CPLANE1: variants seen among roughly 807,000 people sequenced by gnomAD.
CPLANE1 encodes the protein ciliogenesis and planar polarity effector complex subunit 1.
A neutral mutation model predicts 362.5 loss-of-function variants in CPLANE1; 263 were observed. That is an observed-to-expected ratio of 0.73 (90% confidence interval 0.66 to 0.80). The LOEUF is 0.80. CPLANE1 is among the 30% of genes least tolerant of loss of function. The probability of loss-of-function intolerance (pLI) is 0.00; values close to 1 mark genes in which losing one functional copy is unlikely to be tolerated. For synonymous variants in CPLANE1, 1,212 were observed against 1,302.6 expected, an observed-to-expected ratio of 0.93 and a Z score of 1.50; for missense variants, 3,461 against 3,793.4, an observed-to-expected ratio of 0.91 and a Z score of 2.30.
chr5:37,211,550 C>T, intron 16 of CPLANE1: 1 of 1,206,936 alleles, frequency 8.3e-7, no homozygotes, highest in Non-Finnish European at 1.2e-6. Flanking sequence ...TATGCGGGGG[C>T]ACTTCCTCCA....
At chr5:37,105,282 A>T (rs1757508220), downstream of CPLANE1, among the ~76,000 whole-genome samples, 1 of 152,164 alleles carries the variant, frequency 6.6e-6, no homozygotes, top group African/African-American at 2.4e-5. Context: ...CCTGGAGAAC[A>T]AAGTGAGATC....
chr5:37,097,260 A>C, the CPLANE1 span, among the ~76,000 whole-genome samples: 4 of 152,176 alleles, frequency 2.6e-5, no homozygotes, highest in Non-Finnish European at 2.9e-5. Context: ...TGCAGAATAC[A>C]CATTCTTCTC....
intron 7 of CPLANE1, among the ~76,000 whole-genome samples, 161 bp downstream of exon 7, chr5:37,239,552 C>T (rs945104548): frequency 7.3e-6 from 1 of 136,198 alleles, no homozygotes; most frequent in African/African-American, 2.7e-5. Flanking sequence ...CACTGCACTC[C>T]AGCCTAGGCA....
chr5:37,157,740 C>T lies in CPLANE1; in HGVS notation c.7941G>A (p.Ser2647=), dbSNP rs111859133. ...KQQSDHLAVP[S]SAELHYMAAS... is the part of the protein sequence containing the mutation. The stretch of plus-strand genomic sequence containing the variant: ...CTGCCATATAATGTAACTCTGCAGA[C>T]GATGGAACTGCTAGATGATCGCTTT... The change falls in exon 40 of 53, where the codon TCG becomes TCA. Residue 2647 remains serine (S), a synonymous_variant. Coordinates refer to ENST00000651892, the MANE Select transcript of CPLANE1 (RefSeq NM_001384732.1). 66 of 1,613,714 alleles carry T rather than the reference C, an allele frequency of 4.1e-5. 1 individual carries two copies. The highest frequency in any genetic ancestry group is 2.2e-4 in the Admixed American group (13 of 59,966).
rs770242030 is a variant in CPLANE1 at position 37,186,295 on chromosome 5, C to T, written c.4180G>A (p.Val1394Ile). 12 of 1,484,506 alleles carry T rather than the reference C, an allele frequency of 8.1e-6. No individual in the cohort carries two copies. Among genetic ancestry groups the T allele is most frequent in the Non-Finnish European group, 1.0e-5 (11 of 1,063,424 alleles). The allele number at this position is 1,484,506 out of a possible 1,614,324, so 92.0% of individuals were successfully genotyped here. A position where few individuals can be genotyped will look rare whatever the true frequency, so the allele number is the denominator to read the frequency against. ...AAACAACAAATAATACCTTTCACAA[C>T]ACAGTGTCTGAGTCTCTGGTGAAGA... ...HSLHQRLRHC[V>I]VKGPQTEEMM... The change falls in exon 24 of 53, where the codon GTT becomes ATT. Residue 1394 changes from valine (V) to isoleucine (I), a missense_variant. Val to Ile is a conservative substitution (Grantham distance 29). Coordinates refer to ENST00000651892, the MANE Select transcript of CPLANE1 (RefSeq NM_001384732.1).
intron 34 of CPLANE1, 25 bp downstream of exon 34, chr5:37,168,766 G>C: frequency 5.7e-6 from 9 of 1,583,982 alleles, no homozygotes; most frequent in Non-Finnish European, 7.8e-6. Context: ...CACTGCTTTT[G>C]CATTACCATA....
intron 29 of CPLANE1, among the ~76,000 whole-genome samples, chr5:37,178,762 TA>T (rs1781913151): frequency 6.6e-6 from 1 of 152,064 alleles, no homozygotes; most frequent in Non-Finnish European, 1.5e-5. Context: ...TTATACTTTT[TA>T]ATTTTTTTTT....
At position 37,206,390 on chromosome 5, in the gene CPLANE1, T is replaced by G. The variant is rs1342753709; in HGVS notation, c.2956A>C (p.Lys986Gln). 6.4e-7 allele frequency: 1 copy of G among 1,551,418 alleles called. No homozygotes were observed. The highest frequency in any genetic ancestry group is 8.7e-7 in the Non-Finnish European group (1 of 1,146,698). Residue 986 changes from lysine to glutamine, a missense_variant, in exon 17 of 53, where the codon AAG (lysine) becomes CAG (glutamine). Physicochemically the swap from Lys to Gln is moderately conservative, Grantham distance 53. Transcript: ENST00000651892. The stretch of plus-strand genomic sequence containing the variant: ...TGATCTCTAACAACACTGGCCACCT[T>G]AGAGTGTTGCAGAGGAATAAGTCGA... Reference protein sequence around the residue: ...SFRLIPLQHSKVASVVRDQNL... With the variant: ...SFRLIPLQHSQVASVVRDQNL...
chr5:37,090,820 G>A, the CPLANE1 span, among the ~76,000 whole-genome samples: 1 of 152,096 alleles, frequency 6.6e-6, no homozygotes, highest in African/African-American at 2.4e-5. Context: ...TTTATTTATT[G>A]CAGAACCCTC....
Position 37,183,310 on chromosome 5 carries a change from T to A in CPLANE1, c.4871A>T (p.Glu1624Val). The A allele has an allele frequency of 2.5e-6, 4 of 1,613,224 alleles. No individual in the cohort carries two copies. The highest frequency in any genetic ancestry group is 3.4e-6 in the Non-Finnish European group (4 of 1,179,794). Reference protein sequence around the residue: ...RAGSCFVVAPESYESEKSSSL... With the variant: ...RAGSCFVVAPVSYESEKSSSL... ...GGATGATTTTTCTGATTCATAGGAC[T>A]CAGGAGCAACAACAAAGCAAGAACC... Residue 1624 changes from glutamate (E) to valine (V), a missense_variant, in exon 26 of 53, where the codon GAG becomes GTG. Glu to Val is a moderately radical substitution (Grantham distance 121). Coordinates refer to ENST00000651892, the MANE Select transcript of CPLANE1 (RefSeq NM_001384732.1).
chr5:37,143,419 TAAA>T (rs906471698), intron 43 of CPLANE1, among the ~76,000 whole-genome samples: 2 of 151,370 alleles, frequency 1.3e-5, no homozygotes, highest in Non-Finnish European at 2.9e-5. Context: ...GGAACAGCAA[TAAA>T]AAAACAGGAC....
chr5:37,112,304 A>T (rs1437222720), intron 51 of CPLANE1, among the ~76,000 whole-genome samples: 1 of 152,174 alleles, frequency 6.6e-6, no homozygotes, highest in African/African-American at 2.4e-5. Flanking sequence ...CTCTCACCTT[A>T]CTTTACCTAG....
At chr5:37,153,426 G>A (rs553933881) in intron 42 of CPLANE1, among the ~76,000 whole-genome samples, 1 of 152,274 alleles carries the variant, frequency 6.6e-6, no homozygotes, top group Admixed American at 6.5e-5. Context: ...GTTCTCAACT[G>A]AGGGTGATTT....
At chr5:37,144,103 A>G (rs1770660919) in intron 43 of CPLANE1, among the ~76,000 whole-genome samples, 1 of 151,638 alleles carries the variant, frequency 6.6e-6, no homozygotes, top group Non-Finnish European at 1.5e-5. Flanking sequence ...TTCCTACTCC[A>G]ATATAAGGTA....
chr5:37,132,337 G>GTTTTTTTTTTTT (rs70976278), intron 46 of CPLANE1, among the ~76,000 whole-genome samples: 1 of 77,776 alleles, frequency 1.3e-5, no homozygotes, highest in Non-Finnish European at 2.4e-5. Flanking sequence ...GATTGTTCAA[G>GTTTTTTTTTTTT]TTTTTTTTTT....
At chr5:37,144,606 C>T (rs1423932238) in intron 43 of CPLANE1, among the ~76,000 whole-genome samples, 1 of 151,736 alleles carries the variant, frequency 6.6e-6, no homozygotes, top group Non-Finnish European at 1.5e-5. Context: ...AATCCCAGCA[C>T]TTTGGGAGGC....
intron 12 of CPLANE1, among the ~76,000 whole-genome samples, chr5:37,225,540 AAAGAGGTCATTTTTTT>A (rs1796270809): frequency 6.6e-6 from 1 of 151,948 alleles, no homozygotes. Flanking sequence ...CTAATTTTTT[AAAGAGGTCATTTTTTT>A]AAGAGGTCAT....
At chr5:37,204,098 A>G (rs1199183148) in intron 18 of CPLANE1, among the ~76,000 whole-genome samples, 1 of 152,214 alleles carries the variant, frequency 6.6e-6, no homozygotes, top group Admixed American at 6.5e-5. Flanking sequence ...CCAAAACTCA[A>G]AGTTCAGACT....
intron 45 of CPLANE1, 72 bp from the exon 46 acceptor site, chr5:37,138,920 C>T: frequency 7.5e-7 from 1 of 1,333,356 alleles, no homozygotes; most frequent in South Asian, 1.4e-5. Context: ...CAAAAATAAA[C>T]ATGTAACAAA....
Sources: allele counts gnomAD v4.1 joint callset (sites outside exome capture counted in the v4.1 genomes callset), GRCh38; gene constraint gnomAD v4.1.1; transcripts MANE v1.5; gene names NCBI Gene and HGNC (gene_info 2026-07-23, HGNC 2026-07-21).